Variants in ITPKB observed in about 807,000 individuals in gnomAD.
ITPKB encodes IP3 3-kinase B.
In ITPKB, 13 loss-of-function variants were observed where a neutral mutation model predicts 69.4. The observed-to-expected ratio is 0.19, with a 90% CI of 0.12 to 0.30. The LOEUF is 0.30. Ranked by LOEUF, ITPKB falls within the 10% of genes least tolerant of loss-of-function variation. The pLI, the probability that ITPKB is intolerant of heterozygous loss-of-function variation, is 1.00. For synonymous variants in ITPKB, 584 were observed against 513.7 expected (o/e 1.14, Z -1.85); for missense variants, 1,240 against 1,250.5 (o/e 0.99, Z 0.13).
rs1299489101 is a variant in ITPKB at position 226,739,248 on chromosome 1, C to A, written c.-413G>T. On this transcript the variant is annotated 5_prime_UTR_variant, in exon 1 of 8. Coordinates refer to ENST00000429204, the MANE Select transcript of ITPKB (RefSeq NM_002221.4). Reference sequence around the variant, plus strand: ...CCGGCAGTGGCGACGCCAAGCCGGCCCTGCACGCCCTTTTCGACCGTGGAG... The same window carrying A: ...CCGGCAGTGGCGACGCCAAGCCGGCACTGCACGCCCTTTTCGACCGTGGAG... 6.6e-6 allele frequency: 1 copy of A among 151,932 alleles called. No homozygotes were observed. 9.4% of individuals were successfully genotyped at this position (151,932 alleles called of 1,614,324 possible). A position where few individuals can be genotyped will look rare whatever the true frequency, so the allele number is the denominator to read the frequency against.
chr1:226,706,039 G>A (rs1230960116), intron 2 of ITPKB, among the ~76,000 whole-genome samples: 1 of 152,244 alleles, frequency 6.6e-6, no homozygotes, highest in Non-Finnish European at 1.5e-5. Flanking sequence ...AGAGGAGGCT[G>A]AGGGTCAGCA....
chr1:226,732,564 A>G lies in ITPKB; in HGVS notation c.1932+2963T>C, dbSNP rs557757213. The stretch of plus-strand genomic sequence containing the variant: ...TCTTTTGTTTTTTTTTTTTTTGTAC[A>G]TATAACTGACAGAACAATTTTGAAA... On this transcript the variant is annotated intron_variant, in intron 2 of 7. Coordinates refer to ENST00000429204, the MANE Select transcript of ITPKB (RefSeq NM_002221.4). Among the ~76,000 whole-genome samples, 6 of 147,534 alleles carry G rather than the reference A, an allele frequency of 4.1e-5. No individual in the cohort carries two copies. The South Asian group carries it at 1.3e-3, about 31-fold the overall frequency.
chr1:226,684,039 CAG>C (rs1656146222), intron 2 of ITPKB, among the ~76,000 whole-genome samples: 1 of 152,138 alleles, frequency 6.6e-6, no homozygotes, highest in Non-Finnish European at 1.5e-5. Flanking sequence ...TTCTGAGTGT[CAG>C]GGAAATTTCC....
rs75708926 is a variant in ITPKB at position 226,731,520 on chromosome 1, A to G, written c.1932+4007T>C. 3.3e-3 allele frequency among the ~76,000 whole-genome samples: 500 copies of G among 152,342 alleles called. 4 individuals carry two copies. The highest frequency in any genetic ancestry group is 0.012 in the African/African-American group (485 of 41,570). On this transcript the variant is annotated intron_variant, in intron 2 of 7. Coordinates refer to ENST00000429204, the MANE Select transcript of ITPKB (RefSeq NM_002221.4). ...TTTCTGATACCCTAATACAAACACT[A>G]GGCTTTAAATCAGATGTCTTCAATT...
chr1:226,691,582 G>T (rs1369919377), intron 2 of ITPKB, among the ~76,000 whole-genome samples: 1 of 152,150 alleles, frequency 6.6e-6, no homozygotes, highest in Non-Finnish European at 1.5e-5. Flanking sequence ...TTTGGCTGGT[G>T]CATTTGGCCC....
chr1:226,734,890 T>C (rs1051037331), intron 2 of ITPKB, among the ~76,000 whole-genome samples: 1 of 152,184 alleles, frequency 6.6e-6, no homozygotes, highest in African/African-American at 2.4e-5. Flanking sequence ...CAAAGTATGG[T>C]TTTCATTTAA....
At chr1:226,686,394 C>T (rs1183642028) in intron 2 of ITPKB, among the ~76,000 whole-genome samples, 2 of 152,172 alleles carry the variant, frequency 1.3e-5, no homozygotes, top group African/African-American at 4.8e-5. Context: ...CACTGAGATA[C>T]CATTATTAGA....
intron 3 of ITPKB, among the ~76,000 whole-genome samples, chr1:226,647,823 T>C (rs1440426000): frequency 6.6e-6 from 1 of 152,222 alleles, no homozygotes; most frequent in Non-Finnish European, 1.5e-5. Context: ...GCTGAGAAGC[T>C]GGGGGGCCTA....
chr1:226,638,286 A>T (rs1189672175), intron 6 of ITPKB, among the ~76,000 whole-genome samples: 1 of 152,196 alleles, frequency 6.6e-6, no homozygotes, highest in Non-Finnish European at 1.5e-5. Flanking sequence ...CAGGAATTGG[A>T]GGACTTGGGC....
At chr1:226,702,564 G>A (rs1281254599) in intron 2 of ITPKB, among the ~76,000 whole-genome samples, 3 of 152,242 alleles carry the variant, frequency 2.0e-5, no homozygotes, top group African/African-American at 4.8e-5. Flanking sequence ...TAGGCCTAGA[G>A]AGAGATGACC....
In ITPKB at chr1:226,637,629, T is replaced by C. The variant is rs367671326; in HGVS notation, c.2625+50A>G. The C allele has an allele frequency of 2.4e-5, 34 of 1,430,050 alleles. No homozygotes were observed. In the African/African-American group the frequency reaches 3.9e-4, roughly 17 times the overall value. The allele number at this position is 1,430,050 out of a possible 1,614,324, so 88.6% of individuals were successfully genotyped here. A position where few individuals can be genotyped will look rare whatever the true frequency, so the allele number is the denominator to read the frequency against. On this transcript the variant is annotated intron_variant, in intron 7 of 7. Coordinates refer to ENST00000429204, the MANE Select transcript of ITPKB (RefSeq NM_002221.4). This position sits in a 1 kb window ranked among gnomAD's most constrained non-coding sequence, Gnocchi z 4.3. ...CTTCTGGAAGGAGAAGGAGAAGGCC[T>C]GTTGGCACGCGCAGCATTCTGCTCA...
intron 2 of ITPKB, 98 bp downstream of exon 2, chr1:226,735,429 C>T: frequency 1.5e-6 from 2 of 1,346,110 alleles, no homozygotes; most frequent in Non-Finnish European, 2.0e-6. Flanking sequence ...TCTGAGTTTT[C>T]ATGACTGTGT....
chr1:226,703,500 G>T (rs887741517), intron 2 of ITPKB, among the ~76,000 whole-genome samples: 8 of 152,128 alleles, frequency 5.3e-5, no homozygotes, highest in Non-Finnish European at 1.0e-4. Flanking sequence ...TCGCTGCCCG[G>T]CCCCCACCTC....
chr1:226,711,442 A>AGAGAGAGAGTGTGT (rs1491474441), intron 2 of ITPKB, among the ~76,000 whole-genome samples: 1 of 102,292 alleles, frequency 9.8e-6, no homozygotes, highest in African/African-American at 4.1e-5. Flanking sequence ...AGAGAGAGAG[A>AGAGAGAGAGTGTGT]GTGTGTGTGT....
chr1:226,650,204 G>C (rs180785578), intron 2 of ITPKB, among the ~76,000 whole-genome samples: 13 of 152,332 alleles, frequency 8.5e-5, no homozygotes, highest in African/African-American at 3.1e-4. Context: ...GGCCTCCTTT[G>C]TTTTTTCTCT....
At chr1:226,698,814 G>C (rs897760673) in intron 2 of ITPKB, among the ~76,000 whole-genome samples, 2 of 152,218 alleles carry the variant, frequency 1.3e-5, no homozygotes, top group Non-Finnish European at 2.9e-5. Flanking sequence ...TCTGCTGATA[G>C]TCTCCAGACA....
chr1:226,695,791 G>T (rs948227397), intron 2 of ITPKB, among the ~76,000 whole-genome samples: 1 of 152,176 alleles, frequency 6.6e-6, no homozygotes, highest in Admixed American at 6.5e-5. Context: ...AGAGGACACG[G>T]GGGAGAAGAC....
intron 2 of ITPKB, among the ~76,000 whole-genome samples, chr1:226,732,070 GA>G (rs1163711387): frequency 3.6e-4 from 6 of 16,698 alleles, no homozygotes; most frequent in East Asian, 1.2e-3. Context: ...TTTTCACTCA[GA>G]AAAAAAAAAG....
At chr1:226,701,651 T>C in intron 2 of ITPKB, among the ~76,000 whole-genome samples, 1 of 144,232 alleles carries the variant, frequency 6.9e-6, no homozygotes, top group Admixed American at 6.9e-5. Flanking sequence ...ACCCATTTTC[T>C]CCAAGGACTT....
Sources: allele counts gnomAD v4.1 joint callset (sites outside exome capture counted in the v4.1 genomes callset), GRCh38; gene constraint gnomAD v4.1.1; non-coding constraint Gnocchi (gnomAD v3.1); transcripts MANE v1.5; gene names NCBI Gene and HGNC (gene_info 2026-07-23, HGNC 2026-07-21).